FAM135A: variants seen among roughly 807,000 people sequenced by gnomAD.
FAM135A encodes the protein family with sequence similarity 135 member A.
Under a neutral mutation model 146.8 loss-of-function variants are expected in FAM135A, and 79 were observed. That is an observed-to-expected ratio of 0.54 (90% CI 0.45 to 0.65). The LOEUF is 0.65. Among genes scored for constraint, FAM135A ranks in the 30% least tolerant of loss-of-function variants. The probability of loss-of-function intolerance (pLI) is 0.00; values close to 1 mark genes in which losing one functional copy is unlikely to be tolerated. For missense variants in FAM135A, 1,623 were observed against 1,758.2 expected, an observed-to-expected ratio of 0.92 and a Z score of 1.38; for synonymous variants, 562 against 603.6, an observed-to-expected ratio of 0.93 and a Z score of 1.01.
chr6:70,503,688 A>G lies in FAM135A; in HGVS notation c.1029+897A>G, dbSNP rs1033139508. The stretch of plus-strand genomic sequence containing the variant: ...TCCATTTTAGTTTTATCACCTATGT[A>G]TGCACACTAAATAGAGGTTGTTTCC... On this transcript the variant is annotated intron_variant, in intron 12 of 21. Transcript: ENST00000418814. The G allele has an allele frequency of 5.9e-5, 9 of 152,142 alleles. No homozygotes were observed. The South Asian group carries it at 1.4e-3, about 24-fold the overall frequency. The allele number at this position is 152,142 out of a possible 1,614,324, so 9.4% of individuals were successfully genotyped here. A position where few individuals can be genotyped will look rare whatever the true frequency, so the allele number is the denominator to read the frequency against.
chr6:70,470,843 A>G (rs748688889), intron 5 of FAM135A, among the ~76,000 whole-genome samples: 2 of 152,182 alleles, frequency 1.3e-5, no homozygotes, highest in African/African-American at 2.4e-5. Context: ...TTTGCCTGAA[A>G]AGGGAGCAGA....
chr6:70,508,759 G>C (rs1056807572), intron 12 of FAM135A, among the ~76,000 whole-genome samples: 1 of 152,182 alleles, frequency 6.6e-6, no homozygotes, highest in African/African-American at 2.4e-5. Flanking sequence ...AGGGTTGCCA[G>C]ATGAAATGCA....
chr6:70,505,782 T>C (rs1478321082), intron 12 of FAM135A, among the ~76,000 whole-genome samples: 1 of 152,110 alleles, frequency 6.6e-6, no homozygotes, highest in Non-Finnish European at 1.5e-5. Flanking sequence ...AAAAAGCAAT[T>C]TTTGGTGGTG....
At chr6:70,540,113 C>T (rs150322313) in intron 20 of FAM135A, among the ~76,000 whole-genome samples, 1 of 152,250 alleles carries the variant, frequency 6.6e-6, no homozygotes, top group East Asian at 1.9e-4. Context: ...GATGAGTCAA[C>T]CCTTTAGATA....
intron 20 of FAM135A, among the ~76,000 whole-genome samples, chr6:70,540,685 C>G (rs1020100752): frequency 6.6e-6 from 1 of 152,174 alleles, no homozygotes; most frequent in African/African-American, 2.4e-5. Flanking sequence ...CTTCCTGACT[C>G]AAGTCTCAGA....
intron 2 of FAM135A, among the ~76,000 whole-genome samples, chr6:70,426,101 C>T (rs868718784): frequency 6.9e-6 from 1 of 145,400 alleles, no homozygotes; most frequent in Admixed American, 6.9e-5. Flanking sequence ...CAGAGCGAGA[C>T]TCCGTCTCAA....
intron 20 of FAM135A, among the ~76,000 whole-genome samples, chr6:70,550,238 G>T (rs768695695): frequency 2.0e-5 from 3 of 152,152 alleles, no homozygotes; most frequent in African/African-American, 4.8e-5. Context: ...CATGAATCAT[G>T]AATGTTCTTA....
chr6:70,418,692 A>G (rs971988083), intron 2 of FAM135A, among the ~76,000 whole-genome samples: 1 of 152,250 alleles, frequency 6.6e-6, no homozygotes, highest in East Asian at 1.9e-4. Context: ...GAGCTTACTT[A>G]CAAAGTTGGG....
intron 16 of FAM135A, among the ~76,000 whole-genome samples, chr6:70,528,776 GT>G (rs1485696184): frequency 6.6e-6 from 1 of 151,520 alleles, no homozygotes; most frequent in Non-Finnish European, 1.5e-5. Flanking sequence ...AGGTATACAC[GT>G]GCCATGGTGG....
chr6:70,527,363 G>GTA (rs1794958652), intron 15 of FAM135A, among the ~76,000 whole-genome samples: 1 of 152,014 alleles, frequency 6.6e-6, no homozygotes, highest in Non-Finnish European at 1.5e-5. Context: ...GTCTTGGCAT[G>GTA]TATATATATA....
At chr6:70,414,251 A>G (rs1766992765) in intron 1 of FAM135A, among the ~76,000 whole-genome samples, 1 of 151,338 alleles carries the variant, frequency 6.6e-6, no homozygotes, top group Non-Finnish European at 1.5e-5. Context: ...CCTTGGTTTT[A>G]TTTTCCTCTC....
At chr6:70,464,143 C>G (rs1779931835) in intron 5 of FAM135A, among the ~76,000 whole-genome samples, 1 of 152,096 alleles carries the variant, frequency 6.6e-6, no homozygotes, top group South Asian at 2.1e-4. Flanking sequence ...ATGAAAGATA[C>G]CAGTGCTAAC....
At chr6:70,481,058 CCTT>C (rs781484653) in intron 9 of FAM135A, 31 bp downstream of exon 9, 48 of 1,507,672 alleles carry the variant, frequency 3.2e-5, no homozygotes, top group Middle Eastern at 3.6e-4. Context: ...TAAATCTTCT[CCTT>C]ATTTTAAAAG....
At chr6:70,479,819 G>GTT (rs1431566750) in intron 8 of FAM135A, among the ~76,000 whole-genome samples, 6 of 152,046 alleles carry the variant, frequency 3.9e-5, no homozygotes, top group Non-Finnish European at 8.8e-5. Context: ...GTTACTTAAA[G>GTT]TAAGTGGCTT....
At chr6:70,550,589 A>G (rs1175402025) in intron 20 of FAM135A, among the ~76,000 whole-genome samples, 2 of 152,230 alleles carry the variant, frequency 1.3e-5, no homozygotes, top group African/African-American at 2.4e-5. Flanking sequence ...TGCTGTAAAC[A>G]GATGTGCTGT....
At position 70,524,567 on chromosome 6, in the gene FAM135A, A is replaced by G; in HGVS notation, c.1483A>G (p.Thr495Ala). The change falls in exon 15 of 22, where the codon ACT becomes GCT. Residue 495 changes from threonine (T) to alanine (A), a missense_variant. By Grantham distance (58) the Thr-to-Ala change is moderately conservative. This residue lies in a region of FAM135A where 1,061 missense variants were observed against 1,113.8 expected (regional missense o/e 0.95). Coordinates refer to ENST00000418814, the MANE Select transcript of FAM135A (RefSeq NM_001162529.3). The part of the protein sequence containing the change: ...EESNKSKVKV[T>A]KLMKTMKSEN... Reference sequence around the variant, plus strand: ...ATCAAATAAATCCAAAGTTAAGGTTACTAAGCTTATGAAAACAATGAAATC... The same window carrying G: ...ATCAAATAAATCCAAAGTTAAGGTTGCTAAGCTTATGAAAACAATGAAATC... 1.3e-6 allele frequency: 2 copies of G among 1,546,018 alleles called. No individual in the cohort carries two copies. The highest frequency in any genetic ancestry group is 1.4e-5 in the African/African-American group (1 of 72,648).
At chr6:70,536,649 TTC>T (rs1367878296) in intron 19 of FAM135A, among the ~76,000 whole-genome samples, 2 of 152,174 alleles carry the variant, frequency 1.3e-5, no homozygotes, top group African/African-American at 2.4e-5. Context: ...GAGCATTTTT[TTC>T]TTTTTTTCAT....
At chr6:70,509,526 C>G (rs779957132) in intron 12 of FAM135A, among the ~76,000 whole-genome samples, 2 of 152,002 alleles carry the variant, frequency 1.3e-5, no homozygotes, top group Non-Finnish European at 2.9e-5. Context: ...ATATTGTGCT[C>G]TTGGTTTTGT....
intron 20 of FAM135A, among the ~76,000 whole-genome samples, chr6:70,544,300 A>T (rs1160718532): frequency 2.0e-5 from 3 of 152,112 alleles, no homozygotes; most frequent in Non-Finnish European, 4.4e-5. Flanking sequence ...GCACTTTGGG[A>T]GGCTGAGGCA....
Sources: gnomAD v4.1 joint callset for allele counts (sites outside exome capture counted in the v4.1 genomes callset) on GRCh38, gnomAD v4.1.1 for gene constraint, gnomAD v4.1.1 regional missense constraint, MANE v1.5 for transcripts, NCBI Gene and HGNC (gene_info 2026-07-23, HGNC 2026-07-21) for gene names.